Variants in C12orf56 observed in about 807,000 individuals in gnomAD.
C12orf56 encodes the protein uncharacterized protein C12orf56.
Under a neutral mutation model 69.9 loss-of-function variants are expected in C12orf56, and 71 were observed. That is an observed-to-expected ratio of 1.02 (90% CI 0.84 to 1.24). The LOEUF (loss-of-function observed/expected upper bound fraction) is 1.24, where lower values mean the gene tolerates loss of function less well. Among genes scored for constraint, C12orf56 ranks in the 50% most tolerant of loss-of-function variants. The pLI is 0.00. For missense variants in C12orf56, 732 were observed against 738.5 expected, an observed-to-expected ratio of 0.99 and a Z score of 0.10; for synonymous variants, 276 against 274.1, an observed-to-expected ratio of 1.01 and a Z score of -0.07.
At chr12:64,278,264 A>G (rs1329174027) in intron 8 of C12orf56, among the ~76,000 whole-genome samples, 1 of 152,134 alleles carries the variant, frequency 6.6e-6, no homozygotes, top group Non-Finnish European at 1.5e-5. Flanking sequence ...TAATATGCAC[A>G]GTGTATCTCT....
At chr12:64,307,368 C>CTTTTTTTTT (rs748644044) in intron 5 of C12orf56, among the ~76,000 whole-genome samples, 11 of 115,248 alleles carry the variant, frequency 9.5e-5, no homozygotes, top group Non-Finnish European at 1.4e-4. Context: ...ATAGTCAGTC[C>CTTTTTTTTT]TTTTTTTTTT....
chr12:64,386,648 G>C (rs1020406399), intron 1 of C12orf56, among the ~76,000 whole-genome samples: 1 of 151,640 alleles, frequency 6.6e-6, no homozygotes, highest in Non-Finnish European at 1.5e-5. Context: ...CGCCCATCTC[G>C]GCTTCCCAAA....
At chr12:64,363,471 C>T (rs139744695) in intron 1 of C12orf56, among the ~76,000 whole-genome samples, 155 of 152,222 alleles carry the variant, frequency 1.0e-3, no homozygotes, top group African/African-American at 3.4e-3. Flanking sequence ...GATATCATCT[C>T]GAAGCCTTGG....
chr12:64,320,687 C>T (rs1359956884), intron 3 of C12orf56, among the ~76,000 whole-genome samples: 1 of 152,164 alleles, frequency 6.6e-6, no homozygotes, highest in East Asian at 1.9e-4. Flanking sequence ...CCTGGCTCTG[C>T]CACTTAATGG....
At chr12:64,362,489 C>G (rs2039412161) in intron 1 of C12orf56, among the ~76,000 whole-genome samples, 1 of 152,022 alleles carries the variant, frequency 6.6e-6, no homozygotes. Context: ...GTCAGGAGTT[C>G]AAGACCAGCC....
In C12orf56 at chr12:64,389,942, G is replaced by A. The variant is rs1289247169; in HGVS notation, c.252+372C>T. Among the ~76,000 whole-genome samples, 4 of 152,274 alleles carry A rather than the reference G, an allele frequency of 2.6e-5. No homozygotes were observed. In the East Asian group the frequency reaches 7.7e-4, roughly 29 times the overall value. On this transcript the variant is annotated intron_variant, in intron 1 of 12. Coordinates refer to ENST00000543942, the MANE Select transcript of C12orf56 (RefSeq NM_001170633.2). The stretch of plus-strand genomic sequence containing the variant: ...CTCCAGCGACTGCTTCTAGGTAGGG[G>A]CCCTCTTTCGTTTTTGCATCCTCCG...
chr12:64,358,966 C>T (rs1447046012), intron 1 of C12orf56, among the ~76,000 whole-genome samples: 2 of 152,092 alleles, frequency 1.3e-5, no homozygotes, highest in African/African-American at 4.8e-5. Flanking sequence ...TAATGGAGTT[C>T]AGGACATACT....
chr12:64,347,994 A>G (rs374215033), intron 2 of C12orf56, among the ~76,000 whole-genome samples: 3 of 152,300 alleles, frequency 2.0e-5, no homozygotes, highest in African/African-American at 7.2e-5. Context: ...AGGCTATTAC[A>G]TGGACTGGGC....
At chr12:64,373,596 G>A (rs1053710821) in intron 1 of C12orf56, among the ~76,000 whole-genome samples, 1 of 152,172 alleles carries the variant, frequency 6.6e-6, no homozygotes, top group African/African-American at 2.4e-5. Context: ...CAGCTTCCAT[G>A]GTCCTTTCAG....
chr12:64,352,594 G>A (rs1321839431), intron 2 of C12orf56, among the ~76,000 whole-genome samples: 1 of 152,132 alleles, frequency 6.6e-6, no homozygotes, highest in Non-Finnish European at 1.5e-5. Context: ...CCAGGAGTTC[G>A]AGCCTTGTGC....
At chr12:64,379,927 C>CAAAAAAAA (rs200293677) in intron 1 of C12orf56, among the ~76,000 whole-genome samples, 54 of 114,108 alleles carry the variant, frequency 4.7e-4, no homozygotes, top group African/African-American at 8.4e-4. Flanking sequence ...ACTAAAAATA[C>CAAAAAAAA]AAAAAAAAAA....
chr12:64,266,142 T>A lies in C12orf56; in HGVS notation c.*1041A>T, dbSNP rs1469220048. 6.6e-6 allele frequency: 1 copy of A among 152,270 alleles called. No individual in the cohort carries two copies. The highest frequency in any genetic ancestry group is 2.4e-5 in the African/African-American group (1 of 41,470). 9.4% of individuals were successfully genotyped at this position (152,270 alleles called of 1,614,324 possible). Reference sequence around the variant, plus strand: ...GTGGAGGAGGAGGGTGTCATCCTATTGCTCAGCATTTCCCAAATAATCACT... The same window carrying A: ...GTGGAGGAGGAGGGTGTCATCCTATAGCTCAGCATTTCCCAAATAATCACT... On this transcript the variant is annotated 3_prime_UTR_variant, in exon 13 of 13. Transcript: ENST00000543942.
intron 2 of C12orf56, chr12:64,338,075 TA>T: frequency 2.4e-6 from 1 of 414,032 alleles, no homozygotes. Flanking sequence ...ACTGGGGCAG[TA>T]AAGAGGAAGC....
chr12:64,358,658 G>T (rs1248517183), intron 1 of C12orf56, among the ~76,000 whole-genome samples: 1 of 149,298 alleles, frequency 6.7e-6, no homozygotes, highest in African/African-American at 2.5e-5. Context: ...GCCAGGCATG[G>T]TGGTGCACAC....
chr12:64,309,775 T>C (rs1317916385), intron 5 of C12orf56, among the ~76,000 whole-genome samples: 1 of 151,938 alleles, frequency 6.6e-6, no homozygotes, highest in Non-Finnish European at 1.5e-5. Flanking sequence ...CCTCCCAAAG[T>C]GCTGGGATTA....
rs548472367 is a variant in C12orf56, at chr12:64,372,500, T to C, written c.252+17814A>G. ...AATTTAATGATCTTGAAGCTTTTAGTAATTTTTTTTAGGTTTTGCTTTTCT... is the reference window on the plus strand; with the variant it reads ...AATTTAATGATCTTGAAGCTTTTAGCAATTTTTTTTAGGTTTTGCTTTTCT... On this transcript the variant is annotated intron_variant, in intron 1 of 12. Transcript: ENST00000543942. Among the ~76,000 whole-genome samples, 5 of 152,266 alleles carry C rather than the reference T, an allele frequency of 3.3e-5. No homozygotes were observed. The East Asian group carries it at 9.6e-4, about 29-fold the overall frequency.
intron 4 of C12orf56, among the ~76,000 whole-genome samples, chr12:64,317,791 T>C (rs2038708751): frequency 1.3e-5 from 2 of 152,074 alleles, no homozygotes; most frequent in Non-Finnish European, 2.9e-5. Context: ...GCATTTCAGT[T>C]TCTTCATTTA....
chr12:64,313,664 A>G (rs1342074805), intron 4 of C12orf56, among the ~76,000 whole-genome samples: 1 of 151,422 alleles, frequency 6.6e-6, no homozygotes, highest in East Asian at 1.9e-4. Context: ...ATATATATTT[A>G]ATCCTAAATT....
At chr12:64,382,106 T>A (rs1358950889) in intron 1 of C12orf56, among the ~76,000 whole-genome samples, 1 of 151,468 alleles carries the variant, frequency 6.6e-6, no homozygotes, top group Non-Finnish European at 1.5e-5. Context: ...TACTAAAAAA[T>A]ACAAAAATTA....
Sources: allele counts gnomAD v4.1 joint callset (sites outside exome capture counted in the v4.1 genomes callset), GRCh38; gene constraint gnomAD v4.1.1; transcripts MANE v1.5; gene names NCBI Gene and HGNC (gene_info 2026-07-23, HGNC 2026-07-21).